PTGFRN: variants seen among roughly 807,000 people sequenced by gnomAD.
PTGFRN encodes prostaglandin F2 receptor negative regulator.
A neutral mutation model predicts 83.2 loss-of-function variants in PTGFRN; 35 were observed. The observed-to-expected ratio is 0.42, with a 90% CI of 0.32 to 0.56. The LOEUF (loss-of-function observed/expected upper bound fraction) is 0.56, where lower values mean the gene tolerates loss of function less well. PTGFRN is among the 20% of genes least tolerant of loss of function. The pLI is 0.11. For missense variants in PTGFRN, 1,051 were observed against 1,179.5 expected, an observed-to-expected ratio of 0.89 and a Z score of 1.60; for synonymous variants, 519 against 498.6, an observed-to-expected ratio of 1.04 and a Z score of -0.55.
chr1:116,957,149 C>T (rs560391758), intron 4 of PTGFRN, among the ~76,000 whole-genome samples: 3 of 144,472 alleles, frequency 2.1e-5, no homozygotes, highest in East Asian at 4.2e-4. Context: ...CTCGCTGGCT[C>T]GCTGTGTGTG....
At chr1:116,981,063 G>A (rs954270970) in intron 7 of PTGFRN, among the ~76,000 whole-genome samples, 8 of 152,174 alleles carry the variant, frequency 5.3e-5, no homozygotes, top group African/African-American at 1.9e-4. Context: ...TTACATATTA[G>A]CATTGCCAAC....
At chr1:116,965,340 C>G (rs1297163190) in intron 5 of PTGFRN, among the ~76,000 whole-genome samples, 2 of 151,922 alleles carry the variant, frequency 1.3e-5, no homozygotes, top group Non-Finnish European at 2.9e-5. Context: ...GCTCTCTCAC[C>G]CAGGCTGGAG....
rs749396669 is a variant in PTGFRN, at chr1:116,961,605, A to G, written c.1576A>G (p.Asn526Asp). 1.2e-6 allele frequency: 2 copies of G among 1,614,168 alleles called. No homozygotes were observed. The highest frequency in any genetic ancestry group is 1.7e-6 in the Non-Finnish European group (2 of 1,180,012). ...VVSAWTKQRN[N>D]SWVKSKDVFS... is the part of the protein sequence containing the mutation. Reference sequence around the variant, plus strand: ...GTCTGCCTGGACCAAACAGCGGAACAACAGCTGGGTGAAAAGCAAGGATGT... The same window carrying G: ...GTCTGCCTGGACCAAACAGCGGAACGACAGCTGGGTGAAAAGCAAGGATGT... The change falls in exon 5 of 9, where the codon AAC becomes GAC. Residue 526 changes from asparagine (N) to aspartate (D), a missense_variant. By Grantham distance (23) the Asn-to-Asp change is conservative (BLOSUM62 1). Coordinates refer to ENST00000393203, the MANE Select transcript of PTGFRN (RefSeq NM_020440.4). The surrounding 1 kb of genome is among the most constrained non-coding windows in gnomAD (Gnocchi z 5.4).
At chr1:116,926,201 A>C (rs1351367909) in intron 1 of PTGFRN, among the ~76,000 whole-genome samples, 2 of 152,218 alleles carry the variant, frequency 1.3e-5, no homozygotes, top group African/African-American at 4.8e-5. Flanking sequence ...GAGTTTCCCC[A>C]ATTATCTCAG....
intron 1 of PTGFRN, among the ~76,000 whole-genome samples, chr1:116,921,406 C>T (rs113454460): frequency 2.6e-5 from 4 of 152,166 alleles, no homozygotes; most frequent in Non-Finnish European, 4.4e-5. Flanking sequence ...CGCATTGAAA[C>T]GTTTTCTTAT....
At chr1:116,980,637 T>G (rs993296746) in intron 7 of PTGFRN, among the ~76,000 whole-genome samples, 12 of 152,112 alleles carry the variant, frequency 7.9e-5, no homozygotes, top group African/African-American at 2.9e-4. Flanking sequence ...TTCTCACTCA[T>G]AGGTGGGAAT....
Position 116,952,943 on chromosome 1 carries a change from T to TA in PTGFRN, c.1213+3372dup, listed in dbSNP as rs1650387672. Among the ~76,000 whole-genome samples the TA allele has an allele frequency of 6.6e-6, 1 of 152,228 alleles. No individual in the cohort carries two copies. Among genetic ancestry groups the TA allele is most frequent in the East Asian group, 1.9e-4 (1 of 5,190 alleles). Reference sequence around the variant, plus strand: ...GATGCTTTGTGTTGATCCAATTTAGTATATGTCTAAAACAGAGAACCTAGC... The same window carrying TA: ...GATGCTTTGTGTTGATCCAATTTAGTAATATGTCTAAAACAGAGAACCTAGC... On this transcript the variant is annotated intron_variant, in intron 4 of 8. Coordinates refer to ENST00000393203, the MANE Select transcript of PTGFRN (RefSeq NM_020440.4). The surrounding 1 kb of genome is among the most constrained non-coding windows in gnomAD (Gnocchi z 4.0).
chr1:116,911,693 A>T (rs1242134818), intron 1 of PTGFRN, among the ~76,000 whole-genome samples: 1 of 152,212 alleles, frequency 6.6e-6, no homozygotes, highest in Non-Finnish European at 1.5e-5. Context: ...CCCAGTCTGG[A>T]GTGCAATGGC....
In PTGFRN at chr1:116,918,741, G is replaced by C. The variant is rs1218470402; in HGVS notation, c.49+8489G>C. Among the ~76,000 whole-genome samples, 1 of 152,230 alleles carries C rather than the reference G, an allele frequency of 6.6e-6. No individual in the cohort carries two copies. Among genetic ancestry groups the C allele is most frequent in the Non-Finnish European group, 1.5e-5 (1 of 68,042 alleles). On this transcript the variant is annotated intron_variant, in intron 1 of 8. Transcript: ENST00000393203. This position sits in a 1 kb window ranked among gnomAD's most constrained non-coding sequence, Gnocchi z 4.1. ...GAGGATAGCATAGGTCTGTAGTAAA[G>C]GCAGTGGGCCTAGTTTCGTGGCTTT... is the stretch of plus-strand genomic sequence containing the variant.
At chr1:116,940,526 G>A (rs1650034531) in intron 1 of PTGFRN, among the ~76,000 whole-genome samples, 1 of 152,128 alleles carries the variant, frequency 6.6e-6, no homozygotes, top group South Asian at 2.1e-4. Flanking sequence ...TGGGGTACTG[G>A]GGGCTAGAAC....
At chr1:116,940,784 G>C (rs974623505) in intron 1 of PTGFRN, among the ~76,000 whole-genome samples, 1 of 152,166 alleles carries the variant, frequency 6.6e-6, no homozygotes, top group Non-Finnish European at 1.5e-5. Context: ...TCTTTTATAT[G>C]TTATTGCAAG....
intron 1 of PTGFRN, among the ~76,000 whole-genome samples, chr1:116,911,510 T>A (rs1649272029): frequency 1.3e-5 from 2 of 152,332 alleles, no homozygotes; most frequent in South Asian, 4.1e-4. Flanking sequence ...TCCTTCACCT[T>A]GAAGGGATTT....
rs1268875131 is a variant in PTGFRN, at chr1:116,944,981, G to C, written c.721G>C (p.Asp241His). 1 of 1,613,838 alleles carries C rather than the reference G, an allele frequency of 6.2e-7. No individual in the cohort carries two copies. The highest frequency in any genetic ancestry group is 8.5e-7 in the Non-Finnish European group (1 of 1,180,034). ...RLSVSRALSA[D>H]QGSYRCIVSE... ...CTCAGTGTCCCGGGCTCTGTCTGCC[G>C]ACCAGGGCTCCTACAGGTGTATCGT... Residue 241 changes from aspartate to histidine, a missense_variant, in exon 3 of 9, where the codon GAC becomes CAC. Coordinates refer to ENST00000393203, the MANE Select transcript of PTGFRN (RefSeq NM_020440.4).
At chr1:116,926,742 A>G (rs962592074) in intron 1 of PTGFRN, among the ~76,000 whole-genome samples, 6 of 152,184 alleles carry the variant, frequency 3.9e-5, no homozygotes, top group African/African-American at 1.4e-4. Flanking sequence ...TGTCTACTCA[A>G]TACTTGGTTT....
At chr1:116,975,476 G>A (rs1275690520) in intron 7 of PTGFRN, among the ~76,000 whole-genome samples, 1 of 152,226 alleles carries the variant, frequency 6.6e-6, no homozygotes, top group Non-Finnish European at 1.5e-5. Flanking sequence ...GAACCCCCCA[G>A]TAGGGGCAGA....
rs1650140413 is a variant in PTGFRN, at chr1:116,944,660, T to G, written c.419-19T>G. The G allele has an allele frequency of 7.1e-7, 1 of 1,403,962 alleles. No homozygotes were observed. Among genetic ancestry groups the G allele is most frequent in the African/African-American group, 1.5e-5 (1 of 66,516 alleles). The allele number at this position is 1,403,962 out of a possible 1,614,324, so 87.0% of individuals were successfully genotyped here. ...GGTCGGTGTGGACGGGCTACTGACC[T>G]AGCTTTCTCTCTCCGCAGTGCTGGC... On this transcript the variant is annotated intron_variant, in intron 2 of 8. Transcript: ENST00000393203.
At chr1:116,986,632 A>C (rs1196871950) in intron 8 of PTGFRN, among the ~76,000 whole-genome samples, 169 bp from the exon 9 acceptor site, 1 of 152,236 alleles carries the variant, frequency 6.6e-6, no homozygotes, top group Non-Finnish European at 1.5e-5. Flanking sequence ...TGTGACAGAT[A>C]AGGCTGAGCT....
At chr1:116,915,551 A>C (rs978761625) in intron 1 of PTGFRN, among the ~76,000 whole-genome samples, 1 of 152,224 alleles carries the variant, frequency 6.6e-6, no homozygotes, top group Non-Finnish European at 1.5e-5. Context: ...AATTATTCTT[A>C]TTAGCCTGCT....
At chr1:116,929,623 T>G (rs1015551415) in intron 1 of PTGFRN, among the ~76,000 whole-genome samples, 2 of 152,228 alleles carry the variant, frequency 1.3e-5, no homozygotes, top group African/African-American at 4.8e-5. Flanking sequence ...TCTTCGTCAT[T>G]CTGGTCTAAA....
Sources: allele counts gnomAD v4.1 joint callset (sites outside exome capture counted in the v4.1 genomes callset), GRCh38; gene constraint gnomAD v4.1.1; non-coding constraint Gnocchi (gnomAD v3.1); transcripts MANE v1.5; gene names NCBI Gene and HGNC (gene_info 2026-07-23, HGNC 2026-07-21).